Variants in PHEX observed in about 807,000 individuals in gnomAD.
PHEX encodes phosphate regulating endopeptidase X-linked.
In PHEX, 16 loss-of-function variants were observed where a neutral mutation model predicts 68.0. The observed-to-expected ratio is 0.24, with a 90% confidence interval of 0.16 to 0.36. The LOEUF (loss-of-function observed/expected upper bound fraction) is 0.36. Ranked by LOEUF, PHEX falls within the 10% of genes least tolerant of loss-of-function variation. The pLI is 1.00. For synonymous variants in PHEX, 208 were observed against 205.1 expected (o/e 1.01, Z -0.12); for missense variants, 480 against 575.5 (o/e 0.83, Z 1.70).
chrX:22,164,300 A>G (rs770141751), intron 12 of PHEX, among the ~76,000 whole-genome samples: 2 of 112,100 alleles, frequency 1.8e-5, no homozygotes, highest in South Asian at 7.5e-4. Context: ...ATAGAGGAAT[A>G]CATATATAGC....
rs770920860 is a variant in PHEX, at chrX:22,033,052, A to G, written c.47A>G (p.Asn16Ser). The change falls in exon 1 of 22, where the codon AAC becomes AGC. Residue 16 changes from asparagine (N) to serine (S), a missense_variant. Asn to Ser is a conservative substitution (Grantham distance 46, BLOSUM62 1). Coordinates refer to ENST00000379374, the MANE Select transcript of PHEX (RefSeq NM_000444.6). ...GSSVETGKKA[N>S]RGTRIALVVF... ...AGCGTGGAGACTGGAAAGAAGGCCA[A>G]CAGAGGCACTCGAATTGCCCTGGTC... 27 of 1,207,883 alleles carry G rather than the reference A, an allele frequency of 2.2e-5. No homozygotes were observed. In the Admixed American group the frequency reaches 5.5e-4, roughly 25 times the overall value.
Position 22,094,066 on chromosome X carries a change from G to A in PHEX, c.816G>A (p.Lys272=), listed in dbSNP as rs1415481119. ...GTTCCAGAGCAGAGCATGACATGAA[G>A]TCAGTGCTCAGATTGGAAATTAAGA... The part of the protein sequence containing the change: ...ANSSRAEHDM[K]SVLRLEIKIA... Residue 272 remains lysine, a synonymous_variant, in exon 7 of 22, where the codon AAG becomes AAA. Coordinates refer to ENST00000379374, the MANE Select transcript of PHEX (RefSeq NM_000444.6). 1.7e-6 allele frequency: 2 copies of A among 1,185,203 alleles called. No individual in the cohort carries two copies. Among genetic ancestry groups the A allele is most frequent in the Admixed American group, 4.4e-5 (2 of 45,915 alleles).
chrX:22,081,285 A>G (rs920821409), intron 5 of PHEX, among the ~76,000 whole-genome samples: 1 of 110,892 alleles, frequency 9.0e-6, no homozygotes, highest in Non-Finnish European at 1.9e-5. Context: ...AGCCTCTTCA[A>G]GTGTGCCCCT....
At chrX:22,161,701 A>G (rs1380221790) in intron 12 of PHEX, among the ~76,000 whole-genome samples, 1 of 111,661 alleles carries the variant, frequency 9.0e-6, no homozygotes, top group Non-Finnish European at 1.9e-5. Flanking sequence ...ATAGTATTAG[A>G]AGATTCTCTC....
At chrX:22,085,530 A>G (rs1929589951) in intron 5 of PHEX, among the ~76,000 whole-genome samples, 1 of 106,658 alleles carries the variant, frequency 9.4e-6, no homozygotes, top group Non-Finnish European at 1.9e-5. Context: ...AGCTGAGATC[A>G]TGCCACTGCA....
intron 3 of PHEX, among the ~76,000 whole-genome samples, chrX:22,055,550 G>C (rs1234603504): frequency 9.4e-6 from 1 of 106,447 alleles, no homozygotes; most frequent in East Asian, 3.0e-4. Context: ...AGTTCTGACA[G>C]TCAGCCTGTC....
At chrX:22,203,762 T>A (rs1934628687) in intron 15 of PHEX, among the ~76,000 whole-genome samples, 1 of 111,994 alleles carries the variant, frequency 8.9e-6, no homozygotes, top group South Asian at 3.7e-4. Context: ...CAATAATGTA[T>A]AAGGCATGTA....
At chrX:22,158,996 A>G (rs1481750380) in intron 12 of PHEX, among the ~76,000 whole-genome samples, 1 of 113,240 alleles carries the variant, frequency 8.8e-6, no homozygotes, top group African/African-American at 3.2e-5. Flanking sequence ...TCTAGCACTA[A>G]GACTTTAGGG....
intron 12 of PHEX, among the ~76,000 whole-genome samples, chrX:22,167,882 A>G (rs993179705): frequency 5.4e-5 from 6 of 111,121 alleles, no homozygotes; most frequent in African/African-American, 2.0e-4. Context: ...CCTTTATCAG[A>G]TGTATGGTTT....
intron 12 of PHEX, among the ~76,000 whole-genome samples, chrX:22,143,808 C>T (rs970330019): frequency 8.9e-6 from 1 of 112,372 alleles, no homozygotes; most frequent in Non-Finnish European, 1.9e-5. Context: ...ACCCCTGTAG[C>T]ATTTCTGATA....
At position 22,098,795 on chromosome X, in the gene PHEX, C is replaced by CAAAAAAAAAAAAAAA; in HGVS notation, c.934-193_934-179dup. ...CCTGGGTGATAGAGCGAGAATGTCT[C>CAAAAAAAAAAAAAAA]AAAAAAAAAAAAAAAAAAAAAAAAA... On this transcript the variant is annotated intron_variant, in intron 8 of 21. Transcript: ENST00000379374. Among the ~76,000 whole-genome samples the CAAAAAAAAAAAAAAA allele has an allele frequency of 3.6e-3, 41 of 11,374 alleles. 6 individuals are homozygous for CAAAAAAAAAAAAAAA. Among genetic ancestry groups the CAAAAAAAAAAAAAAA allele is most frequent in the African/African-American group, 7.5e-3 (34 of 4,520 alleles). The allele number at this position is 11,374 out of a possible 115,157, so 9.9% of individuals were successfully genotyped here.
intron 15 of PHEX, among the ~76,000 whole-genome samples, chrX:22,204,725 G>A (rs1043486716): frequency 1.8e-5 from 2 of 111,748 alleles, no homozygotes; most frequent in African/African-American, 6.5e-5. Context: ...ATCATAAAAC[G>A]TATTCACTTA....
chrX:22,230,362 T>C (rs1209424751), intron 20 of PHEX, among the ~76,000 whole-genome samples: 1 of 106,158 alleles, frequency 9.4e-6, no homozygotes, highest in African/African-American at 3.5e-5. Flanking sequence ...CTAAATTACT[T>C]TGGGCAGTAT....
intron 18 of PHEX, among the ~76,000 whole-genome samples, chrX:22,225,386 G>A (rs762643867): frequency 2.3e-4 from 26 of 110,962 alleles, no homozygotes; most frequent in Non-Finnish European, 4.1e-4. Flanking sequence ...TTCTTTCTTC[G>A]CAGTGAATAA....
chrX:22,184,917 G>A (rs558366632), intron 14 of PHEX, among the ~76,000 whole-genome samples: 2 of 112,118 alleles, frequency 1.8e-5, no homozygotes, highest in Admixed American at 9.5e-5. Context: ...TAATCTGCAG[G>A]ATATTAATAA....
chrX:22,052,376 C>T (rs1024749053), intron 3 of PHEX, among the ~76,000 whole-genome samples: 1 of 111,055 alleles, frequency 9.0e-6, no homozygotes, highest in African/African-American at 3.3e-5. Flanking sequence ...TACACGCATG[C>T]GCCACCATGG....
At chrX:22,106,969 C>A (rs1353014862) in intron 9 of PHEX, among the ~76,000 whole-genome samples, 1 of 110,516 alleles carries the variant, frequency 9.0e-6, no homozygotes, top group Non-Finnish European at 1.9e-5. Context: ...ATGTTGGGTC[C>A]CACTTTAGAG....
At chrX:22,125,434 T>C (rs757767099) in intron 11 of PHEX, among the ~76,000 whole-genome samples, 1 of 112,262 alleles carries the variant, frequency 8.9e-6, no homozygotes, top group East Asian at 2.8e-4. Context: ...AACATTAAAT[T>C]AGTTTAAGGT....
At chrX:22,136,349 A>T (rs931710921) in intron 12 of PHEX, among the ~76,000 whole-genome samples, 1 of 111,699 alleles carries the variant, frequency 9.0e-6, no homozygotes, top group African/African-American at 3.3e-5. Context: ...GCATTAAGAA[A>T]GGATTTGCCT....
Sources: allele counts gnomAD v4.1 joint callset (sites outside exome capture counted in the v4.1 genomes callset), GRCh38; gene constraint gnomAD v4.1.1; transcripts MANE v1.5; gene names NCBI Gene and HGNC (gene_info 2026-07-23, HGNC 2026-07-21).